NR2F1-AS1: variants seen among roughly 807,000 people sequenced by gnomAD.
NR2F1-AS1 encodes NR2F1 regulatory antisense RNA 1.
At chr5:93,524,731 C>G (rs769555160) in intron 4 of NR2F1-AS1, among the ~76,000 whole-genome samples, 1 of 152,128 alleles carries the variant, frequency 6.6e-6, no homozygotes, top group Non-Finnish European at 1.5e-5. Flanking sequence ...GAATTTTCAA[C>G]CCAGAATTTC....
chr5:93,583,044 T>C (rs1561521873), upstream of NR2F1-AS1, among the ~76,000 whole-genome samples: 1 of 151,872 alleles, frequency 6.6e-6, no homozygotes, highest in Non-Finnish European at 1.5e-5. Context: ...CCATTTTCTC[T>C]CCCCCCGATT....
intron 4 of NR2F1-AS1, among the ~76,000 whole-genome samples, chr5:93,475,238 T>TA (rs1750457559): frequency 6.6e-6 from 1 of 152,050 alleles, no homozygotes. Flanking sequence ...CAAAGGACTA[T>TA]ATGATCCAAA....
intron 1 of NR2F1-AS1, among the ~76,000 whole-genome samples, chr5:93,578,585 G>A (rs1335557328): frequency 6.6e-6 from 1 of 152,178 alleles, no homozygotes; most frequent in Non-Finnish European, 1.5e-5. Flanking sequence ...TGGAGGCCTC[G>A]GGTAGGATGC....
intron 4 of NR2F1-AS1, among the ~76,000 whole-genome samples, chr5:93,501,221 CT>C (rs1321366860): frequency 1.3e-5 from 2 of 150,548 alleles, no homozygotes; most frequent in Non-Finnish European, 2.9e-5. Flanking sequence ...AAAGATGTGA[CT>C]GAATTGCTGT....
chr5:93,572,996 A>G (rs1187715935), intron 1 of NR2F1-AS1, among the ~76,000 whole-genome samples: 2 of 152,240 alleles, frequency 1.3e-5, no homozygotes. Flanking sequence ...CCGCCCGACA[A>G]TGCGCAGGTG....
intron 1 of NR2F1-AS1, among the ~76,000 whole-genome samples, chr5:93,575,615 C>G (rs1358161053): frequency 6.6e-6 from 1 of 152,194 alleles, no homozygotes. Context: ...GTCACACAAT[C>G]TCCTCCCCCT....
At position 93,579,493 on chromosome 5, in the gene NR2F1-AS1, C is replaced by T. The variant is rs1437530987; in HGVS notation, n.313+974G>A. 6.6e-6 allele frequency among the ~76,000 whole-genome samples: 1 copy of T among 152,182 alleles called. No homozygotes were observed. The highest frequency in any genetic ancestry group is 2.4e-5 in the African/African-American group (1 of 41,456). On this transcript the variant is annotated intron_variant and non_coding_transcript_variant, in intron 1 of 5. Coordinates refer to ENST00000660523, the Ensembl canonical transcript of NR2F1-AS1. This position sits in a 1 kb window ranked among gnomAD's most constrained non-coding sequence, Gnocchi z 5.1. ...AAGGATGGGTGGGCGCCTCTGCTCCCGGGCAGGCTCAGCTGTCATCCCGTC... is the reference window on the plus strand; with the variant it reads ...AAGGATGGGTGGGCGCCTCTGCTCCTGGGCAGGCTCAGCTGTCATCCCGTC...
At chr5:93,457,893 T>A (rs1749987685) in intron 4 of NR2F1-AS1, among the ~76,000 whole-genome samples, 1 of 152,202 alleles carries the variant, frequency 6.6e-6, no homozygotes, top group African/African-American at 2.4e-5. Context: ...GGTGTCTCCA[T>A]CTCCATGGAG....
At chr5:93,477,103 C>T (rs1750501134) in intron 4 of NR2F1-AS1, among the ~76,000 whole-genome samples, 1 of 152,126 alleles carries the variant, frequency 6.6e-6, no homozygotes, top group South Asian at 2.1e-4. Context: ...GTATATATAA[C>T]AGGAAATAGA....
At chr5:93,576,711 A>G (rs1164538868) in intron 1 of NR2F1-AS1, among the ~76,000 whole-genome samples, 3 of 152,196 alleles carry the variant, frequency 2.0e-5, no homozygotes, top group African/African-American at 7.2e-5. Context: ...AGTCAGTGAA[A>G]TATCCAACTC....
chr5:93,537,859 A>G (rs1751870896), intron 4 of NR2F1-AS1, among the ~76,000 whole-genome samples: 1 of 152,218 alleles, frequency 6.6e-6, no homozygotes, highest in Non-Finnish European at 1.5e-5. Context: ...CATATAAGAA[A>G]AAAAATTGAT....
At chr5:93,519,627 G>C (rs1751464222) in intron 4 of NR2F1-AS1, among the ~76,000 whole-genome samples, 1 of 151,902 alleles carries the variant, frequency 6.6e-6, no homozygotes, top group South Asian at 2.1e-4. Context: ...TATTTCCAAA[G>C]GACCTCTAAA....
intron 4 of NR2F1-AS1, among the ~76,000 whole-genome samples, chr5:93,478,960 G>C (rs1750545271): frequency 6.6e-6 from 1 of 152,136 alleles, no homozygotes; most frequent in South Asian, 2.1e-4. Flanking sequence ...AGTAGAGTAG[G>C]ATCAATCCCT....
In NR2F1-AS1 at chr5:93,579,790, C is replaced by A. The variant is rs913133753; in HGVS notation, n.313+677G>T. ...CCCGCCCCCAGCCGGCTGGCAGCGGCGCAGGGAGTCTGGCTCGGCTGCTAG... is the reference window on the plus strand; with the variant it reads ...CCCGCCCCCAGCCGGCTGGCAGCGGAGCAGGGAGTCTGGCTCGGCTGCTAG... On this transcript the variant is annotated intron_variant and non_coding_transcript_variant, in intron 1 of 5. Transcript: ENST00000660523. This position sits in a 1 kb window ranked among gnomAD's most constrained non-coding sequence, Gnocchi z 5.1. Among the ~76,000 whole-genome samples the A allele has an allele frequency of 2.1e-4, 32 of 152,314 alleles. No homozygotes were observed. The highest frequency in any genetic ancestry group is 7.7e-4 in the African/African-American group (32 of 41,568).
chr5:93,449,764 C>T (rs1749790161), intron 4 of NR2F1-AS1, among the ~76,000 whole-genome samples: 1 of 152,140 alleles, frequency 6.6e-6, no homozygotes, highest in Admixed American at 6.5e-5. Context: ...CTTCCAAAGG[C>T]CTGCTGACAT....
At chr5:93,522,204 G>A (rs961243400) in intron 4 of NR2F1-AS1, among the ~76,000 whole-genome samples, 8 of 152,174 alleles carry the variant, frequency 5.3e-5, no homozygotes, top group African/African-American at 1.9e-4. Context: ...GGGTCTACCT[G>A]AGGGTGGAGG....
At chr5:93,542,324 G>A (rs944305290) in intron 4 of NR2F1-AS1, 1 of 151,890 alleles carries the variant, frequency 6.6e-6, no homozygotes, top group African/African-American at 2.4e-5. Flanking sequence ...TCTATTTTCA[G>A]TAATGGAAGG....
upstream of NR2F1-AS1, chr5:93,585,066 G>A (rs1188763568): frequency 1.9e-6 from 2 of 1,034,020 alleles, no homozygotes; most frequent in South Asian, 4.0e-5. Flanking sequence ...GCAGGACGAC[G>A]TGGCCGGGGG....
At chr5:93,578,401 T>G (rs960801575) in intron 1 of NR2F1-AS1, among the ~76,000 whole-genome samples, 1 of 151,788 alleles carries the variant, frequency 6.6e-6, no homozygotes, top group Non-Finnish European at 1.5e-5. Context: ...ATCGCCTTTT[T>G]GGGGAACTAC....
Sources: gnomAD v4.1 joint callset for allele counts (sites outside exome capture counted in the v4.1 genomes callset) on GRCh38, gnomAD v4.1.1 for gene constraint, Gnocchi (gnomAD v3.1) non-coding constraint, MANE v1.5 for transcripts, NCBI Gene and HGNC (gene_info 2026-07-23, HGNC 2026-07-21) for gene names.